IPP: variants seen among roughly 807,000 people sequenced by gnomAD.
The protein encoded by IPP is actin-binding protein IPP.
Under a neutral mutation model 64.1 loss-of-function variants are expected in IPP, and 41 were observed. The ratio of observed to expected loss-of-function variants is 0.64; its 90% CI spans 0.50 to 0.83. The LOEUF is 0.83. Among genes scored for constraint, IPP ranks in the 40% least tolerant of loss-of-function variants. The pLI is 0.00. For synonymous variants in IPP, 214 were observed against 235.2 expected (o/e 0.91, Z 0.83); for missense variants, 649 against 703.0 (o/e 0.92, Z 0.87).
At position 45,700,171 on chromosome 1, in the gene IPP, G is replaced by A; in HGVS notation, c.1550C>T (p.Ala517Val). Residue 517 changes from alanine (A) to valine (V), a missense_variant, in exon 9 of 9, where the codon GCC (alanine) becomes GTC (valine). Physicochemically the swap from Ala to Val is moderately conservative, Grantham distance 64 (BLOSUM62 0). Transcript: ENST00000396478. ...GCCTGCTCTAGGCACTTTCATTGAG[G>A]CAACTTCAACCCACTTTTCCTGGTT... ...SFEEEKWVEV[A>V]SMKVPRAGMC... The A allele has an allele frequency of 6.2e-7, 1 of 1,612,518 alleles. No individual in the cohort carries two copies. Among genetic ancestry groups the A allele is most frequent in the Non-Finnish European group, 8.5e-7 (1 of 1,179,522 alleles).
intron 8 of IPP, among the ~76,000 whole-genome samples, chr1:45,712,443 G>T (rs758705604): frequency 1.3e-5 from 2 of 151,844 alleles, no homozygotes; most frequent in Non-Finnish European, 2.9e-5. Context: ...GATTATAATA[G>T]AAATAAATTA....
intron 1 of IPP, among the ~76,000 whole-genome samples, chr1:45,748,813 A>C (rs1413266052): frequency 6.6e-6 from 1 of 152,072 alleles, no homozygotes; most frequent in Non-Finnish European, 1.5e-5. Context: ...CTACTAAAAA[A>C]TACAAAAAAT....
chr1:45,715,311 T>C (rs1645643264), intron 7 of IPP, among the ~76,000 whole-genome samples: 1 of 152,156 alleles, frequency 6.6e-6, no homozygotes, highest in Non-Finnish European at 1.5e-5. Flanking sequence ...GTACTTCATC[T>C]TCTAAAGTGA....
chr1:45,699,716 G>GC lies in IPP; in HGVS notation c.*249dup. ...CTCATTCTGTTGCCCAGAGTGGAGTGCAGTGGCATGATCGTAGCTTACTAC... is the reference window on the plus strand; with the variant it reads ...CTCATTCTGTTGCCCAGAGTGGAGTGCCAGTGGCATGATCGTAGCTTACTAC... On this transcript the variant is annotated 3_prime_UTR_variant, in exon 9 of 9. Coordinates refer to ENST00000396478, the MANE Select transcript of IPP (RefSeq NM_005897.3). The GC allele has an allele frequency of 2.6e-6, 3 of 1,169,582 alleles. No homozygotes were observed. The highest frequency in any genetic ancestry group is 3.3e-6 in the Non-Finnish European group (3 of 900,920). The allele number at this position is 1,169,582 out of a possible 1,614,324, so 72.5% of individuals were successfully genotyped here. A position where few individuals can be genotyped will look rare whatever the true frequency, so the allele number is the denominator to read the frequency against.
At position 45,698,712 on chromosome 1, in the gene IPP, TTTTTC is replaced by T; in HGVS notation, c.*1249_*1253del. The T allele has an allele frequency of 1.3e-6, 1 of 749,814 alleles. No homozygotes were observed. Among genetic ancestry groups the T allele is most frequent in the Non-Finnish European group, 1.5e-6 (1 of 667,110 alleles). 46.4% of individuals were successfully genotyped at this position (749,814 alleles called of 1,614,324 possible). On this transcript the variant is annotated 3_prime_UTR_variant, in exon 9 of 9. Transcript: ENST00000396478. ...AATCTAGCAAAAAAGGAAGAATTTT[TTTTTC>T]TTTTTTTTTTTTTTTTTTTGAGACA... is the stretch of plus-strand genomic sequence containing the variant.
At chr1:45,706,073 G>C (rs1281233148) in intron 8 of IPP, among the ~76,000 whole-genome samples, 3 of 152,118 alleles carry the variant, frequency 2.0e-5, no homozygotes, top group Non-Finnish European at 4.4e-5. Context: ...GCATGCTAAG[G>C]TGAGATTCCG....
intron 3 of IPP, among the ~76,000 whole-genome samples, chr1:45,740,111 C>A (rs1202313482): frequency 2.6e-5 from 4 of 152,142 alleles, no homozygotes; most frequent in African/African-American, 4.8e-5. Context: ...TGGACACAGC[C>A]CATTTTTCAG....
intron 7 of IPP, 86 bp downstream of exon 7, chr1:45,716,809 A>C: frequency 3.4e-6 from 4 of 1,191,108 alleles, no homozygotes; most frequent in Non-Finnish European, 4.8e-6. Context: ...ACAGACTTAA[A>C]ATATACTTTT....
rs1553191692 is a variant in IPP, at chr1:45,728,168, G to GT, written c.881-371dup. ...TGTGTGTGTGTGTGTGTGTGTGTGT[G>GT]TGTGTTTGAGGCAGGGTTTCACTCT... On this transcript the variant is annotated intron_variant, in intron 4 of 8. Transcript: ENST00000396478. Among the ~76,000 whole-genome samples the GT allele has an allele frequency of 3.0e-3, 446 of 149,222 alleles. 1 individual carries two copies. The highest frequency in any genetic ancestry group is 0.01 in the African/African-American group (412 of 39,440).
rs79844590 is a variant in IPP at position 45,738,993 on chromosome 1, G to C, written c.724+1908C>G. Among the ~76,000 whole-genome samples the C allele has an allele frequency of 3.0e-3, 461 of 152,102 alleles. 4 individuals carry two copies. Among genetic ancestry groups the C allele is most frequent in the East Asian group, 0.023 (117 of 5,188 alleles). On this transcript the variant is annotated intron_variant, in intron 3 of 8. Transcript: ENST00000396478. ...ATTGTTCAGTATTTGCTAATTCCGT[G>C]TTTGCAGCAGACTTATACAACATAG...
chr1:45,694,490 G>A (rs1247745359), downstream of IPP: 1 of 1,543,878 alleles, frequency 6.5e-7, no homozygotes, highest in Non-Finnish European at 8.8e-7. Flanking sequence ...CCCACTTCAA[G>A]CGGAAAACCT....
intron 8 of IPP, among the ~76,000 whole-genome samples, chr1:45,709,033 C>CAAAAAA (rs71058700): frequency 1.7e-5 from 1 of 58,148 alleles, no homozygotes; most frequent in Non-Finnish European, 2.9e-5. Flanking sequence ...GACTCCATCT[C>CAAAAAA]AAAAAAAAAA....
intron 6 of IPP, 29 bp downstream of exon 6, chr1:45,719,174 G>A: frequency 6.2e-7 from 1 of 1,607,842 alleles, no homozygotes; most frequent in Non-Finnish European, 8.5e-7. Context: ...AACAATATTA[G>A]CTATCTTTAA....
At chr1:45,719,999 G>A (rs1468979762) in intron 5 of IPP, among the ~76,000 whole-genome samples, 1 of 151,970 alleles carries the variant, frequency 6.6e-6, no homozygotes, top group Non-Finnish European at 1.5e-5. Context: ...TGGGATTACA[G>A]GTGTGAGACA....
At chr1:45,697,852 G>A (rs1309388905), downstream of IPP, 1 of 151,986 alleles carries the variant, frequency 6.6e-6, no homozygotes, top group Non-Finnish European at 1.5e-5. Context: ...CAGTTACTCG[G>A]GAGGCTGAGG....
intron 8 of IPP, among the ~76,000 whole-genome samples, chr1:45,705,555 C>T (rs1393137212): frequency 6.6e-6 from 1 of 152,172 alleles, no homozygotes; most frequent in Non-Finnish European, 1.5e-5. Context: ...GCCTGTAATC[C>T]CAGCACTTTG....
At chr1:45,712,298 TAAA>T (rs71058702) in intron 8 of IPP, among the ~76,000 whole-genome samples, 1 of 131,332 alleles carries the variant, frequency 7.6e-6, no homozygotes. Flanking sequence ...AGACGACGTC[TAAA>T]AAAAAAAAAA....
At chr1:45,742,917 ACTTT>A (rs1418358788) in intron 2 of IPP, among the ~76,000 whole-genome samples, 1 of 150,622 alleles carries the variant, frequency 6.6e-6, no homozygotes, top group Non-Finnish European at 1.5e-5. Flanking sequence ...CAAGGGCTTC[ACTTT>A]CTTTTTTTTA....
chr1:45,739,409 CTTTTTTTTTTTTTT>C (rs531027721), intron 3 of IPP, among the ~76,000 whole-genome samples: 2 of 90,604 alleles, frequency 2.2e-5, no homozygotes, highest in African/African-American at 8.7e-5. Context: ...AATTTTTTGC[CTTTTTTTTTTTTTT>C]TTTTTTTTTT....
Sources: allele counts gnomAD v4.1 joint callset (sites outside exome capture counted in the v4.1 genomes callset), GRCh38; gene constraint gnomAD v4.1.1; transcripts MANE v1.5; gene names NCBI Gene and HGNC (gene_info 2026-07-23, HGNC 2026-07-21).